Variants in SCIN observed in about 807,000 individuals in gnomAD.
The protein encoded by SCIN is scinderin, also known as adseverin.
Under a neutral mutation model 91.8 loss-of-function variants are expected in SCIN, and 91 were observed. The observed-to-expected ratio is 0.99, with a 90% confidence interval of 0.84 to 1.18. The LOEUF (loss-of-function observed/expected upper bound fraction) is 1.18. Ranked by LOEUF, SCIN falls within the 50% of genes most tolerant of loss-of-function variation. SCIN has a pLI of 0.00. For synonymous variants in SCIN, 367 were observed against 312.6 expected (o/e 1.17, Z -1.84); for missense variants, 1,087 against 863.9 (o/e 1.26, Z -3.24).
At chr7:12,620,226 C>G (rs1783379640) in intron 4 of SCIN, among the ~76,000 whole-genome samples, 1 of 151,974 alleles carries the variant, frequency 6.6e-6, no homozygotes, top group African/African-American at 2.4e-5. Flanking sequence ...TTGATATCTT[C>G]TCTCTTAGCA....
At chr7:12,629,780 A>T (rs1399151658) in intron 9 of SCIN, among the ~76,000 whole-genome samples, 2 of 152,162 alleles carry the variant, frequency 1.3e-5, no homozygotes, top group Non-Finnish European at 2.9e-5. Context: ...AAATTTGCCA[A>T]TGCCCTGCTC....
chr7:12,657,308 C>T lies in SCIN; in HGVS notation c.*4593C>T, dbSNP rs1241326710. 6.9e-6 allele frequency: 1 copy of T among 145,754 alleles called. No homozygotes were observed. Among genetic ancestry groups the T allele is most frequent in the Non-Finnish European group, 1.5e-5 (1 of 66,960 alleles). 9.0% of individuals were successfully genotyped at this position (145,754 alleles called of 1,614,324 possible). A position where few individuals can be genotyped will look rare whatever the true frequency, so the allele number is the denominator to read the frequency against. On this transcript the variant is annotated 3_prime_UTR_variant, in exon 16 of 16. Transcript: ENST00000297029. ...CTCTGCTCACTGCAATCTCTGCCTC[C>T]TGGGTTCAAGCAATCCTCCCACCTC... is the stretch of plus-strand genomic sequence containing the variant.
At chr7:12,628,946 C>T (rs112888797) in intron 8 of SCIN, among the ~76,000 whole-genome samples, 155 bp from the exon 9 acceptor site, 43 of 152,110 alleles carry the variant, frequency 2.8e-4, no homozygotes, top group African/African-American at 9.6e-4. Context: ...ATTGGCAAAT[C>T]GATAACAATT....
At chr7:12,620,471 A>G (rs1349329469) in intron 4 of SCIN, among the ~76,000 whole-genome samples, 4 of 152,040 alleles carry the variant, frequency 2.6e-5, no homozygotes, top group African/African-American at 9.7e-5. Flanking sequence ...TGTCTGGCTT[A>G]TTTCACTTAG....
At chr7:12,599,113 G>T (rs956999653) in intron 3 of SCIN, among the ~76,000 whole-genome samples, 4 of 152,122 alleles carry the variant, frequency 2.6e-5, no homozygotes, top group Admixed American at 1.3e-4. Flanking sequence ...ATAAAAAAGA[G>T]AACACAGGTC....
intron 13 of SCIN, among the ~76,000 whole-genome samples, chr7:12,648,952 G>T (rs1464306447): frequency 1.3e-5 from 2 of 152,152 alleles, no homozygotes; most frequent in African/African-American, 4.8e-5. Context: ...ATTTTAGCAG[G>T]ATTATGTAAT....
chr7:12,589,571 C>G (rs1484710751), intron 3 of SCIN: 1 of 152,198 alleles, frequency 6.6e-6, no homozygotes, highest in African/African-American at 2.4e-5. Context: ...CTAGTCCTGA[C>G]TGGTTAGTAT....
intron 3 of SCIN, chr7:12,596,548 C>T (rs1782846131): frequency 2.3e-6 from 1 of 433,230 alleles, no homozygotes; most frequent in South Asian, 1.7e-5. Flanking sequence ...GGAGGGCCCT[C>T]TCCTGCCCCA....
chr7:12,601,936 G>A (rs998885915), intron 3 of SCIN, among the ~76,000 whole-genome samples: 1 of 152,166 alleles, frequency 6.6e-6, no homozygotes, highest in African/African-American at 2.4e-5. Flanking sequence ...TGACATTTAT[G>A]TAGCCATCCT....
intron 3 of SCIN, among the ~76,000 whole-genome samples, chr7:12,585,018 C>T (rs77593242): frequency 0.041 from 6,281 of 152,186 alleles, 188 homozygotes; most frequent in Non-Finnish European, 0.05. Context: ...TGTTTCCTTG[C>T]TGTTTGGTCC....
At position 12,612,239 on chromosome 7, in the gene SCIN, C is replaced by G. The variant is rs79564881; in HGVS notation, c.666+7576C>G. Among the ~76,000 whole-genome samples, 47 of 152,242 alleles carry G rather than the reference C, an allele frequency of 3.1e-4. 2 individuals carry two copies. In the East Asian group the frequency reaches 9.1e-3, roughly 29 times the overall value. ...CATTCATGTAGCATTGTGCCTGACA[C>G]ATAGGCACTGCTCATCAAGTGTTTG... On this transcript the variant is annotated intron_variant, in intron 4 of 15. Coordinates refer to ENST00000297029, the MANE Select transcript of SCIN (RefSeq NM_001112706.3).
chr7:12,627,926 G>A (rs1783561460), intron 8 of SCIN, among the ~76,000 whole-genome samples: 1 of 152,044 alleles, frequency 6.6e-6, no homozygotes, highest in Admixed American at 6.6e-5. Flanking sequence ...AGTATGGGGT[G>A]GCCTCTCTCT....
intron 13 of SCIN, among the ~76,000 whole-genome samples, chr7:12,645,934 A>G (rs1030715441): frequency 1.3e-5 from 2 of 152,184 alleles, no homozygotes; most frequent in African/African-American, 2.4e-5. Context: ...ATAATTTGGC[A>G]TTTTCTGTGG....
intron 10 of SCIN, among the ~76,000 whole-genome samples, chr7:12,639,607 G>C (rs1243090459): frequency 6.6e-6 from 1 of 152,014 alleles, no homozygotes; most frequent in Admixed American, 6.6e-5. Context: ...TCCAATATTT[G>C]GGGCTAATAA....
At position 12,660,029 on chromosome 7, in the gene SCIN, C is replaced by G. The variant is rs1174141550; in HGVS notation, c.*7314C>G. ...CCCTTGAGAATGTACTTTGTGAGAT[C>G]CACCCCCTGCCAGCAAAACATTGCT... On this transcript the variant is annotated 3_prime_UTR_variant, in exon 16 of 16. Coordinates refer to ENST00000297029, the MANE Select transcript of SCIN (RefSeq NM_001112706.3). 1 of 152,292 alleles carries G rather than the reference C, an allele frequency of 6.6e-6. No individual in the cohort carries two copies. Among genetic ancestry groups the G allele is most frequent in the East Asian group, 1.9e-4 (1 of 5,192 alleles). The allele number at this position is 152,292 out of a possible 1,614,324, so 9.4% of individuals were successfully genotyped here.
chr7:12,601,837 T>C (rs2115247011), intron 3 of SCIN, among the ~76,000 whole-genome samples: 1 of 152,344 alleles, frequency 6.6e-6, no homozygotes, highest in East Asian at 1.9e-4. Flanking sequence ...GTATTCTTGA[T>C]GATATACCTT....
At chr7:12,620,139 T>C (rs1165138487) in intron 4 of SCIN, among the ~76,000 whole-genome samples, 1 of 152,038 alleles carries the variant, frequency 6.6e-6, no homozygotes, top group Non-Finnish European at 1.5e-5. Context: ...GATAGAAGTA[T>C]AAGTTGTGAA....
chr7:12,610,659 A>G (rs1783171902), intron 4 of SCIN, among the ~76,000 whole-genome samples: 1 of 152,206 alleles, frequency 6.6e-6, no homozygotes, highest in South Asian at 2.1e-4. Context: ...ACATGAACAA[A>G]GTCATATGCT....
At chr7:12,649,593 G>A (rs1784037346) in intron 14 of SCIN, 49 bp downstream of exon 14, 1 of 1,291,016 alleles carries the variant, frequency 7.7e-7, no homozygotes, top group Non-Finnish European at 1.1e-6. Flanking sequence ...TTGGTTGGGA[G>A]ATGACAGAAC....
Sources: allele counts gnomAD v4.1 joint callset (sites outside exome capture counted in the v4.1 genomes callset), GRCh38; gene constraint gnomAD v4.1.1; transcripts MANE v1.5; gene names NCBI Gene and HGNC (gene_info 2026-07-23, HGNC 2026-07-21).